Variants in MGAT4C observed in about 807,000 individuals in gnomAD.
MGAT4C encodes the protein MGAT4 family member C, also known as alpha-1,3-mannosyl-glycoprotein 4-beta-N-acetylglucosaminyltransferase C.
MGAT4C carries 19 observed loss-of-function variants against 40.1 expected under a neutral mutation model. The ratio of observed to expected loss-of-function variants is 0.47; its 90% CI spans 0.33 to 0.70. The LOEUF (loss-of-function observed/expected upper bound fraction) is 0.70, where lower values mean the gene tolerates loss of function less well. Among genes scored for constraint, MGAT4C ranks in the 30% least tolerant of loss-of-function variants. The pLI is 0.02. For synonymous variants in MGAT4C, 181 were observed against 187.1 expected, an observed-to-expected ratio of 0.97 and a Z score of 0.27; for missense variants, 491 against 563.2, an observed-to-expected ratio of 0.87 and a Z score of 1.30.
At chr12:86,653,783 A>C (rs965971127) in intron 2 of MGAT4C, among the ~76,000 whole-genome samples, 1 of 152,042 alleles carries the variant, frequency 6.6e-6, no homozygotes, top group South Asian at 2.1e-4. Flanking sequence ...TATATGCATA[A>C]AACTTATTTG....
chr12:86,430,643 T>C (rs1193467390), intron 3 of MGAT4C, among the ~76,000 whole-genome samples: 1 of 152,168 alleles, frequency 6.6e-6, no homozygotes, highest in African/African-American at 2.4e-5. Context: ...ATGTGTACTC[T>C]GGTCAGCCAA....
At chr12:86,737,392 C>T (rs1308846095) in intron 1 of MGAT4C, among the ~76,000 whole-genome samples, 1 of 145,696 alleles carries the variant, frequency 6.9e-6, no homozygotes, top group African/African-American at 2.5e-5. Context: ...AACACACGGG[C>T]CTGGTTTTCC....
At chr12:86,224,149 G>A (rs1269043467) in intron 1 of MGAT4C, among the ~76,000 whole-genome samples, 1 of 152,124 alleles carries the variant, frequency 6.6e-6, no homozygotes, top group African/African-American at 2.4e-5. Context: ...TCTGCCACCA[G>A]GGGGGTCTGA....
chr12:86,217,420 C>G (rs1482167854), intron 1 of MGAT4C, among the ~76,000 whole-genome samples: 1 of 152,124 alleles, frequency 6.6e-6, no homozygotes, highest in African/African-American at 2.4e-5. Context: ...AAATGATCCA[C>G]CCGCCTCGAC....
At chr12:86,547,118 AT>A (rs1959198009) in intron 2 of MGAT4C, among the ~76,000 whole-genome samples, 1 of 151,904 alleles carries the variant, frequency 6.6e-6, no homozygotes, top group Non-Finnish European at 1.5e-5. Context: ...TTTTATTTTT[AT>A]TTTGCTATAA....
At chr12:86,435,444 T>G (rs917223435) in intron 2 of MGAT4C, among the ~76,000 whole-genome samples, 3 of 151,878 alleles carry the variant, frequency 2.0e-5, no homozygotes, top group Admixed American at 6.6e-5. Context: ...GAGATTAATA[T>G]CTTTAAAGAA....
rs115057230 is a variant in MGAT4C at position 86,111,795 on chromosome 12, C to G, written c.-56-62072G>C. Among the ~76,000 whole-genome samples the G allele has an allele frequency of 2.9e-3, 436 of 151,894 alleles. 2 individuals carry two copies. The highest frequency in any genetic ancestry group is 9.7e-3 in the African/African-American group (404 of 41,518). ...CTTTAAAAACCTAAAATCACAGAAG[C>G]ATGTTACATTAGCCAAGTTCAATAA... On this transcript the variant is annotated intron_variant, in intron 1 of 4. Coordinates refer to ENST00000611864, the MANE Select transcript of MGAT4C (RefSeq NM_001351288.2).
chr12:86,193,575 AT>A (rs1349238139), intron 1 of MGAT4C, among the ~76,000 whole-genome samples: 3 of 151,794 alleles, frequency 2.0e-5, no homozygotes, highest in African/African-American at 7.3e-5. Flanking sequence ...AATTCTCTCA[AT>A]TTTTTTGATA....
intron 4 of MGAT4C, among the ~76,000 whole-genome samples, chr12:86,262,766 TA>T (rs1190967373): frequency 1.3e-5 from 2 of 152,044 alleles, no homozygotes; most frequent in African/African-American, 2.4e-5. Flanking sequence ...TTGTATTTGA[TA>T]AACCTTTTAA....
chr12:86,705,964 A>G (rs1189275178), intron 2 of MGAT4C, among the ~76,000 whole-genome samples: 1 of 152,166 alleles, frequency 6.6e-6, no homozygotes, highest in Non-Finnish European at 1.5e-5. Flanking sequence ...GATTAGTACA[A>G]TAGAATAAAT....
Position 86,263,128 on chromosome 12 carries a change from A to G in MGAT4C, c.-57+70937T>C, listed in dbSNP as rs78027595. Among the ~76,000 whole-genome samples the G allele has an allele frequency of 5.7e-3, 869 of 152,220 alleles. 4 individuals are homozygous for G. The highest frequency in any genetic ancestry group is 0.01 in the Middle Eastern group (3 of 294). ...GTAACCCCATAAATTGGTAGATGAA[A>G]CCAAAGATCAGTGATATGGGTCTAG... On this transcript the variant is annotated intron_variant, in intron 4 of 7. Coordinates refer to the MGAT4C transcript ENST00000548651.
intron 4 of MGAT4C, among the ~76,000 whole-genome samples, chr12:86,283,637 C>T (rs918027163): frequency 1.3e-5 from 2 of 152,010 alleles, no homozygotes; most frequent in East Asian, 3.9e-4. Context: ...TCTGATACAG[C>T]GACCATGGGT....
At chr12:86,068,886 G>A (rs1033729440) in intron 1 of MGAT4C, among the ~76,000 whole-genome samples, 2 of 152,102 alleles carry the variant, frequency 1.3e-5, no homozygotes, top group Non-Finnish European at 2.9e-5. Flanking sequence ...ATCTTTGAAA[G>A]GGTGTGGCCT....
intron 1 of MGAT4C, among the ~76,000 whole-genome samples, chr12:86,753,349 T>C (rs1275973394): frequency 6.6e-6 from 1 of 152,164 alleles, no homozygotes; most frequent in Non-Finnish European, 1.5e-5. Flanking sequence ...GCAATTAATT[T>C]GGCTCATCCC....
intron 2 of MGAT4C, among the ~76,000 whole-genome samples, chr12:86,494,880 C>G (rs1196186404): frequency 6.6e-6 from 1 of 151,894 alleles, no homozygotes; most frequent in African/African-American, 2.4e-5. Flanking sequence ...GAAATTTAAA[C>G]AGAAATAGTA....
intron 3 of MGAT4C, among the ~76,000 whole-genome samples, chr12:86,379,704 A>G (rs1048877682): frequency 6.6e-6 from 1 of 152,166 alleles, no homozygotes; most frequent in Non-Finnish European, 1.5e-5. Flanking sequence ...TTTAATATAG[A>G]TAACAATTAA....
At chr12:86,534,821 T>A (rs1350033335) in intron 2 of MGAT4C, among the ~76,000 whole-genome samples, 3 of 152,164 alleles carry the variant, frequency 2.0e-5, no homozygotes, top group Non-Finnish European at 4.4e-5. Flanking sequence ...TGTTTTGTTA[T>A]GAAGTGTAGG....
chr12:86,620,061 C>T (rs1962588007), intron 2 of MGAT4C, among the ~76,000 whole-genome samples: 1 of 152,034 alleles, frequency 6.6e-6, no homozygotes, highest in African/African-American at 2.4e-5. Flanking sequence ...AAAAAATCAA[C>T]AGATGTTGGT....
intron 1 of MGAT4C, among the ~76,000 whole-genome samples, chr12:86,823,653 C>T (rs1952746056): frequency 2.7e-5 from 4 of 150,010 alleles, no homozygotes; most frequent in South Asian, 4.2e-4. Flanking sequence ...ATAAAAAAGA[C>T]AATTTTTAAA....
Sources: gnomAD v4.1 joint callset for allele counts (sites outside exome capture counted in the v4.1 genomes callset) on GRCh38, gnomAD v4.1.1 for gene constraint, MANE v1.5 for transcripts, NCBI Gene and HGNC (gene_info 2026-07-23, HGNC 2026-07-21) for gene names.